The following CDH23 variants were observed in gnomAD, a reference collection of about 807,000 sequenced individuals.
CDH23 encodes the protein cadherin-23.
In CDH23, 189 loss-of-function variants were observed where a neutral mutation model predicts 317.1. That is an observed-to-expected ratio of 0.60 (90% CI 0.53 to 0.67). The LOEUF is 0.67. CDH23 is among the 30% of genes least tolerant of loss of function. CDH23 has a pLI of 0.00. For missense variants in CDH23, 4,401 were observed against 4,592.4 expected (o/e 0.96, Z 1.20); for synonymous variants, 1,839 against 1,876.8 (o/e 0.98, Z 0.52).
chr10:71,716,292 G>A (rs1310239899), intron 28 of CDH23: 3 of 1,520,754 alleles, frequency 2.0e-6, no homozygotes, highest in Non-Finnish European at 2.7e-6. Context: ...AAGGCGAGGG[G>A]GCTGATGGCT....
At chr10:71,773,659 G>A (rs1840745416) in intron 38 of CDH23, 1 of 460,182 alleles carries the variant, frequency 2.2e-6, no homozygotes, top group South Asian at 3.7e-5. Flanking sequence ...CCGGAGGCCG[G>A]CCCCGTGGGT....
chr10:71,441,346 A>G (rs61853193), intron 2 of CDH23, among the ~76,000 whole-genome samples: 13,265 of 151,922 alleles, frequency 0.087, 755 homozygotes, highest in Middle Eastern at 0.16. Flanking sequence ...CACTTTCTTC[A>G]GCCTCCCCGG....
chr10:71,487,770 C>T (rs1450176814), intron 3 of CDH23, among the ~76,000 whole-genome samples: 2 of 152,132 alleles, frequency 1.3e-5, no homozygotes, highest in Non-Finnish European at 2.9e-5. Flanking sequence ...CCATGGGAAC[C>T]CCATGCCTAG....
At chr10:71,725,591 C>CATT in intron 30 of CDH23, 71 bp downstream of exon 30, 4 of 1,518,162 alleles carry the variant, frequency 2.6e-6, no homozygotes, top group Non-Finnish European at 3.6e-6. Flanking sequence ...CAGAGAAGGC[C>CATT]ATTAGTTGGC....
chr10:71,568,649 G>A (rs77104073), intron 7 of CDH23, among the ~76,000 whole-genome samples: 7,264 of 152,248 alleles, frequency 0.048, 363 homozygotes, highest in African/African-American at 0.13. Context: ...AGTCCTTCTC[G>A]GGGCTGGTGC....
At position 71,788,483 on chromosome 10, in the gene CDH23, T is replaced by A. The variant is rs533890828; in HGVS notation, c.5821-457T>A. On this transcript the variant is annotated intron_variant, in intron 44 of 69. Transcript: ENST00000224721. ...TTTTTTCTTTTTTTTTGAGATGGAG[T>A]CTTGCTCTGTCATCTGGGCTGGAGT... 1.5e-3 allele frequency among the ~76,000 whole-genome samples: 220 copies of A among 151,502 alleles called. 8 individuals carry two copies. In the South Asian group the frequency reaches 0.045, roughly 31 times the overall value.
chr10:71,726,206 ACTCAGCAGC>A, intron 30 of CDH23, among the ~76,000 whole-genome samples: 1 of 151,382 alleles, frequency 6.6e-6, no homozygotes, highest in Admixed American at 6.6e-5. Flanking sequence ...ACCCCTACAC[ACTCAGCAGC>A]CCCCAGCCCC....
chr10:71,397,758 G>T lies in CDH23; in HGVS notation c.-6+440G>T, dbSNP rs1208292035. Among the ~76,000 whole-genome samples the T allele has an allele frequency of 2.0e-5, 3 of 152,126 alleles. No homozygotes were observed. Among genetic ancestry groups the T allele is most frequent in the Non-Finnish European group, 4.4e-5 (3 of 68,024 alleles). On this transcript the variant is annotated intron_variant, in intron 1 of 69. Coordinates refer to ENST00000224721, the MANE Select transcript of CDH23 (RefSeq NM_022124.6). This position sits in a 1 kb window ranked among gnomAD's most constrained non-coding sequence, Gnocchi z 4.8. ...GGGTCCCCATTTGGACAGTGGGGAT[G>T]GGGTGGGGCGCACCCCTACTGCGGG...
Position 71,791,141 on chromosome 10 carries a change from C to T in CDH23, c.6059C>T (p.Thr2020Ile). Residue 2020 changes from threonine (T) to isoleucine (I), a missense_variant, in exon 47 of 70, where the codon ACC (threonine) becomes ATC (isoleucine). Around this residue, in one of 3 missense-constraint regions of CDH23, gnomAD observed 3,068 missense variants for 3,203.3 expected, o/e 0.96. Transcript: ENST00000224721. ...FDINSSTGVV[T>I]VRSGVIIDRE... is the part of the protein sequence containing the mutation. ...CGGCACCGGGTGCCAGGTGTGGTGACCGTGAGGTCAGGTGTCATCATTGAC... is the reference window on the plus strand; with the variant it reads ...CGGCACCGGGTGCCAGGTGTGGTGATCGTGAGGTCAGGTGTCATCATTGAC... 3.1e-6 allele frequency: 5 copies of T among 1,607,714 alleles called. No individual in the cohort carries two copies. Among genetic ancestry groups the T allele is most frequent in the Non-Finnish European group, 4.2e-6 (5 of 1,177,378 alleles).
chr10:71,501,813 G>T (rs1381601541), intron 3 of CDH23, among the ~76,000 whole-genome samples: 1 of 152,202 alleles, frequency 6.6e-6, no homozygotes, highest in East Asian at 1.9e-4. Flanking sequence ...GGAGCCCCTG[G>T]CCCTGGCAGG....
intron 22 of CDH23, among the ~76,000 whole-genome samples, chr10:71,701,614 G>T (rs976432115): frequency 1.3e-5 from 2 of 151,976 alleles, no homozygotes; most frequent in African/African-American, 4.8e-5. Context: ...CCAGCCCTGC[G>T]ACTGCCCCAG....
intron 11 of CDH23, among the ~76,000 whole-genome samples, chr10:71,625,312 A>G (rs1861663602): frequency 6.8e-6 from 1 of 147,304 alleles, no homozygotes; most frequent in African/African-American, 2.5e-5. Flanking sequence ...AGGAGATGAC[A>G]TGGTTCATTT....
chr10:71,509,060 T>C (rs1564622736), intron 3 of CDH23, among the ~76,000 whole-genome samples: 1 of 152,232 alleles, frequency 6.6e-6, no homozygotes, highest in Non-Finnish European at 1.5e-5. Flanking sequence ...TCCTGAAGCC[T>C]AGGTGCCCTC....
At chr10:71,735,204 G>A (rs919718482) in intron 34 of CDH23, among the ~76,000 whole-genome samples, 1 of 152,192 alleles carries the variant, frequency 6.6e-6, no homozygotes, top group Admixed American at 6.5e-5. Context: ...GGGGGTTGGT[G>A]CAAGTGTGTG....
intron 6 of CDH23, among the ~76,000 whole-genome samples, chr10:71,537,809 T>C (rs957063324): frequency 6.6e-6 from 1 of 152,218 alleles, no homozygotes; most frequent in Admixed American, 6.5e-5. Context: ...TCACTTCGTT[T>C]CCCTCTCCTG....
At position 71,811,309 on chromosome 10, in the gene CDH23, G is replaced by A. The variant is rs757636683; in HGVS notation, c.9078-6G>A. On this transcript the variant is annotated splice_polypyrimidine_tract_variant and splice_region_variant and intron_variant, in intron 62 of 69. Coordinates refer to ENST00000224721, the MANE Select transcript of CDH23 (RefSeq NM_022124.6). ...AGGAGAGCTGAGACCCCTGCCCCTC[G>A]CCCAGGGTGATCCAGATGATCGATG... 1.3e-5 allele frequency: 21 copies of A among 1,613,570 alleles called. No homozygotes were observed. The highest frequency in any genetic ancestry group is 3.3e-5 in the South Asian group (3 of 91,072).
At chr10:71,457,838 T>C (rs1422602489) in intron 3 of CDH23, among the ~76,000 whole-genome samples, 5 of 152,354 alleles carry the variant, frequency 3.3e-5, no homozygotes, top group African/African-American at 9.6e-5. Flanking sequence ...AGTATGAGAT[T>C]AGTCAGCTTG....
At chr10:71,544,665 A>G (rs1370391784) in intron 6 of CDH23, among the ~76,000 whole-genome samples, 1 of 152,106 alleles carries the variant, frequency 6.6e-6, no homozygotes, top group Admixed American at 6.5e-5. Flanking sequence ...CACGCTGCAC[A>G]CCCCAAATAC....
At chr10:71,747,231 G>T (rs914798602) in intron 38 of CDH23, among the ~76,000 whole-genome samples, 34 of 152,222 alleles carry the variant, frequency 2.2e-4, no homozygotes, top group African/African-American at 8.2e-4. Context: ...GCAAGCAAGA[G>T]GGGTGCATGG....
Sources: allele counts gnomAD v4.1 joint callset (sites outside exome capture counted in the v4.1 genomes callset), GRCh38; gene constraint gnomAD v4.1.1; regional missense constraint gnomAD v4.1.1; non-coding constraint Gnocchi (gnomAD v3.1); transcripts MANE v1.5; gene names NCBI Gene and HGNC (gene_info 2026-07-23, HGNC 2026-07-21).